SCML2: variants seen among roughly 807,000 people sequenced by gnomAD.
SCML2 encodes sex comb on midleg-like protein 2.
In SCML2, 6 loss-of-function variants were observed where a neutral mutation model predicts 48.4. The observed-to-expected ratio is 0.12, with a 90% confidence interval of 0.07 to 0.24. The LOEUF is 0.24. Ranked by LOEUF, SCML2 falls within the 10% of genes least tolerant of loss-of-function variation. SCML2 has a pLI of 1.00. For missense variants in SCML2, 377 were observed against 528.2 expected (o/e 0.71, Z 2.81); for synonymous variants, 181 against 189.5 (o/e 0.95, Z 0.37).
chrX:18,276,481 T>C (rs1200015107), intron 7 of SCML2, among the ~76,000 whole-genome samples: 2 of 111,237 alleles, frequency 1.8e-5, no homozygotes, highest in Admixed American at 9.5e-5. Flanking sequence ...TATGTATGTA[T>C]TGACATACAT....
intron 1 of SCML2, among the ~76,000 whole-genome samples, chrX:18,353,260 G>A (rs1203716328): frequency 2.7e-5 from 3 of 111,551 alleles, no homozygotes; most frequent in Non-Finnish European, 5.6e-5. Context: ...CATTTCCCTC[G>A]CTGTTATTGA....
chrX:18,327,443 C>G (rs1280306744), intron 3 of SCML2, among the ~76,000 whole-genome samples: 1 of 111,623 alleles, frequency 9.0e-6, no homozygotes, highest in Non-Finnish European at 1.9e-5. Flanking sequence ...GAAGTTGACA[C>G]CCTGGAGGAA....
At chrX:18,284,540 A>C in intron 7 of SCML2, among the ~76,000 whole-genome samples, 1 of 112,348 alleles carries the variant, frequency 8.9e-6, no homozygotes, top group Non-Finnish European at 1.9e-5. Flanking sequence ...AGAATCTATA[A>C]GAAACTTAAA....
chrX:18,242,511 A>T lies in SCML2; in HGVS notation c.1902T>A (p.Asp634Glu). 1.7e-6 allele frequency: 2 copies of T among 1,209,227 alleles called. No individual in the cohort carries two copies. The highest frequency in any genetic ancestry group is 2.2e-6 in the Non-Finnish European group (2 of 894,484). Residue 634 changes from aspartate to glutamate, a missense_variant, in exon 14 of 15, where the codon GAT becomes GAA. Around this residue, in one of 3 missense-constraint regions of SCML2, gnomAD observed 299 missense variants for 425.5 expected, o/e 0.70. Transcript: ENST00000251900. Reference sequence around the variant, plus strand: ...TATGTTTCATAAACTGTATCACTTCATCCACAGACCAGGTTGAAGGGTCCT... The same window carrying T: ...TATGTTTCATAAACTGTATCACTTCTTCCACAGACCAGGTTGAAGGGTCCT... ...FSKDPSTWSV[D>E]EVIQFMKHTD...
At chrX:18,256,456 AAAC>A (rs1926846112) in intron 11 of SCML2, among the ~76,000 whole-genome samples, 1 of 111,364 alleles carries the variant, frequency 9.0e-6, no homozygotes, top group Admixed American at 9.6e-5. Flanking sequence ...CTGTCTCCAA[AAAC>A]AACAACAAAA....
At chrX:18,320,057 A>G (rs1422747957) in intron 6 of SCML2, among the ~76,000 whole-genome samples, 1 of 112,599 alleles carries the variant, frequency 8.9e-6, no homozygotes, top group Non-Finnish European at 1.9e-5. Flanking sequence ...GTGTGGAGAT[A>G]CAAACATGTC....
chrX:18,324,125 C>T (rs202053983), intron 4 of SCML2, 32 bp from the exon 5 acceptor site: 3 of 951,440 alleles, frequency 3.2e-6, no homozygotes, highest in East Asian at 6.7e-5. Context: ...GGTTAAAATG[C>T]ATCAACTATA....
intron 6 of SCML2, among the ~76,000 whole-genome samples, chrX:18,311,548 CA>C (rs1424408925): frequency 9.0e-6 from 1 of 111,659 alleles, no homozygotes; most frequent in Non-Finnish European, 1.9e-5. Context: ...TGGACAGAAC[CA>C]AGGCCCTAAA....
intron 7 of SCML2, among the ~76,000 whole-genome samples, chrX:18,287,262 T>C (rs1928087339): frequency 8.9e-6 from 1 of 111,931 alleles, no homozygotes; most frequent in African/African-American, 3.2e-5. Flanking sequence ...GAACTTCTCA[T>C]TAGGAAGCGC....
chrX:18,290,177 G>A (rs770366110), intron 7 of SCML2, among the ~76,000 whole-genome samples: 45 of 111,922 alleles, frequency 4.0e-4, no homozygotes, highest in Non-Finnish European at 7.5e-4. Flanking sequence ...GTCTATTTAA[G>A]TAAGTTGTGA....
intron 3 of SCML2, among the ~76,000 whole-genome samples, chrX:18,328,693 G>C (rs1929561844): frequency 9.0e-6 from 1 of 111,591 alleles, no homozygotes; most frequent in South Asian, 3.8e-4. Flanking sequence ...CAATAAAAGA[G>C]GGCAGGAATC....
At chrX:18,334,351 C>T (rs748529810) in intron 1 of SCML2, among the ~76,000 whole-genome samples, 2 of 111,970 alleles carry the variant, frequency 1.8e-5, no homozygotes, top group South Asian at 3.7e-4. Context: ...GATGGTTATA[C>T]GCCTTGTTGT....
intron 11 of SCML2, among the ~76,000 whole-genome samples, chrX:18,253,229 A>G (rs1399164546): frequency 8.9e-6 from 1 of 111,874 alleles, no homozygotes; most frequent in Non-Finnish European, 1.9e-5. Context: ...GAGTCTTACT[A>G]AAACTGCTAT....
At chrX:18,340,361 A>G (rs749371580) in intron 1 of SCML2, among the ~76,000 whole-genome samples, 124 of 112,489 alleles carry the variant, frequency 1.1e-3, no homozygotes, top group African/African-American at 3.4e-3. Context: ...GTAAGCTGAG[A>G]TCACACCACT....
Position 18,262,180 on chromosome X carries a change from G to T in SCML2, c.949-1889C>A, listed in dbSNP as rs193037725. On this transcript the variant is annotated intron_variant, in intron 8 of 14. Coordinates refer to ENST00000251900, the MANE Select transcript of SCML2 (RefSeq NM_006089.3). ...CAGTCAGCCACAAGAGATCTGAAAA[G>T]ATTCTATGTCTTTATATTTAGAGTG... Among the ~76,000 whole-genome samples the T allele has an allele frequency of 3.7e-5, 4 of 107,947 alleles. No homozygotes were observed. In the Admixed American group the frequency reaches 3.9e-4, roughly 11 times the overall value. The allele number at this position is 107,947 out of a possible 115,157, so 93.7% of individuals were successfully genotyped here.
chrX:18,293,716 T>C (rs761650239), intron 7 of SCML2, among the ~76,000 whole-genome samples: 7 of 112,184 alleles, frequency 6.2e-5, no homozygotes, highest in Non-Finnish European at 9.4e-5. Flanking sequence ...GGTGACACTG[T>C]AAAACACCAA....
At chrX:18,337,366 A>C (rs1330417160) in intron 1 of SCML2, among the ~76,000 whole-genome samples, 2 of 107,148 alleles carry the variant, frequency 1.9e-5, no homozygotes, top group Non-Finnish European at 3.8e-5. Flanking sequence ...AAAAAAAAAA[A>C]AAAAAACTTT....
At chrX:18,311,211 C>T (rs935505474) in intron 6 of SCML2, among the ~76,000 whole-genome samples, 2 of 111,883 alleles carry the variant, frequency 1.8e-5, no homozygotes, top group African/African-American at 6.5e-5. Context: ...CTTTAACCTT[C>T]ATTTATTCAT....
chrX:18,252,698 C>T (rs1926706464), intron 11 of SCML2, among the ~76,000 whole-genome samples: 1 of 112,562 alleles, frequency 8.9e-6, no homozygotes, highest in African/African-American at 3.2e-5. Context: ...AAGATTTCGT[C>T]ATATTTTTTC....
Sources: allele counts gnomAD v4.1 joint callset (sites outside exome capture counted in the v4.1 genomes callset), GRCh38; gene constraint gnomAD v4.1.1; regional missense constraint gnomAD v4.1.1; transcripts MANE v1.5; gene names NCBI Gene and HGNC (gene_info 2026-07-23, HGNC 2026-07-21).